The following PDE1A variants were observed in gnomAD, a reference collection of about 807,000 sequenced individuals.
PDE1A encodes the protein phosphodiesterase 1A.
Under a neutral mutation model 61.7 loss-of-function variants are expected in PDE1A, and 35 were observed. That is an observed-to-expected ratio of 0.57 (90% CI 0.43 to 0.75). PDE1A has a LOEUF of 0.75. Ranked by LOEUF, PDE1A falls within the 30% of genes least tolerant of loss-of-function variation. The pLI, the probability that PDE1A is intolerant of heterozygous loss-of-function variation, is 0.00. For synonymous variants in PDE1A, 232 were observed against 213.2 expected (o/e 1.09, Z -0.77); for missense variants, 597 against 630.6 (o/e 0.95, Z 0.57).
chr2:182,716,692 CTT>C, the PDE1A span, among the ~76,000 whole-genome samples: 3 of 152,230 alleles, frequency 2.0e-5, no homozygotes, highest in Non-Finnish European at 2.9e-5. Flanking sequence ...GTTACTTACA[CTT>C]TCTCCCTAAG....
the PDE1A span, among the ~76,000 whole-genome samples, chr2:182,689,946 C>A: frequency 6.6e-6 from 1 of 152,130 alleles, no homozygotes; most frequent in Admixed American, 6.5e-5. Flanking sequence ...TGGATAAATT[C>A]CTTGACACAT....
the PDE1A span, among the ~76,000 whole-genome samples, chr2:182,617,427 C>T: frequency 2.6e-5 from 4 of 152,286 alleles, no homozygotes; most frequent in East Asian, 7.7e-4. Context: ...GCTCTATGGA[C>T]CTCTTCCTTT....
chr2:182,465,653 A>T (rs1007899783), intron 2 of PDE1A, among the ~76,000 whole-genome samples: 3 of 152,134 alleles, frequency 2.0e-5, no homozygotes, highest in African/African-American at 7.2e-5. Context: ...TGCAGTTTAA[A>T]GCAATAATTT....
intron 1 of PDE1A, among the ~76,000 whole-genome samples, chr2:182,351,793 T>C (rs1288007628): frequency 6.6e-6 from 1 of 152,186 alleles, no homozygotes; most frequent in Non-Finnish European, 1.5e-5. Flanking sequence ...AAAAGGTTAT[T>C]TTTTAAGGCA....
At chr2:182,276,545 C>G (rs990507962) in intron 1 of PDE1A, among the ~76,000 whole-genome samples, 1 of 151,958 alleles carries the variant, frequency 6.6e-6, no homozygotes, top group Non-Finnish European at 1.5e-5. Context: ...ATATTTGTCA[C>G]CTCAGGACCA....
intron 1 of PDE1A, among the ~76,000 whole-genome samples, chr2:182,267,924 A>G (rs1220058908): frequency 3.3e-5 from 5 of 152,040 alleles, no homozygotes; most frequent in African/African-American, 1.2e-4. Context: ...ATCACATCCT[A>G]TTTACCTAAT....
chr2:182,208,422 T>A (rs1006171255), intron 7 of PDE1A, among the ~76,000 whole-genome samples: 1 of 152,144 alleles, frequency 6.6e-6, no homozygotes, highest in East Asian at 1.9e-4. Flanking sequence ...CTCACTATTA[T>A]GAGAACAGCA....
Position 182,421,339 on chromosome 2 carries a change from T to C in PDE1A, c.53+5239A>G, listed in dbSNP as rs965081307. On this transcript the variant is annotated intron_variant, in intron 1 of 13. Coordinates refer to ENST00000351439, the Ensembl canonical transcript of PDE1A. ...AAACGACATTTGTGTAGCTCCTGAG[T>C]GGAAGACACCTCCCCACATTTTAAT... Among the ~76,000 whole-genome samples, 5 of 152,256 alleles carry C rather than the reference T, an allele frequency of 3.3e-5. No homozygotes were observed. In the East Asian group the frequency reaches 9.7e-4, roughly 29 times the overall value.
At chr2:182,202,420 A>C (rs1686735637) in intron 8 of PDE1A, among the ~76,000 whole-genome samples, 1 of 152,226 alleles carries the variant, frequency 6.6e-6, no homozygotes, top group South Asian at 2.1e-4. Flanking sequence ...TATAATACCG[A>C]TAATAAAATA....
the PDE1A span, among the ~76,000 whole-genome samples, chr2:182,702,733 C>T: frequency 3.3e-5 from 5 of 151,904 alleles, no homozygotes; most frequent in Admixed American, 1.3e-4. Context: ...ATAAATTTAC[C>T]ACATATCATC....
At chr2:182,556,627 G>C in the PDE1A span, among the ~76,000 whole-genome samples, 2 of 152,194 alleles carry the variant, frequency 1.3e-5, no homozygotes, top group South Asian at 4.1e-4. Flanking sequence ...TAAACTTTTT[G>C]AAATTATGGA....
intron 1 of PDE1A, among the ~76,000 whole-genome samples, chr2:182,368,373 TAA>T (rs1198526348): frequency 1.3e-5 from 2 of 148,790 alleles, no homozygotes; most frequent in African/African-American, 2.5e-5. Context: ...ATTTGATTGA[TAA>T]GTTTATGAAG....
At chr2:182,431,096 T>TA (rs950933052), upstream of PDE1A, among the ~76,000 whole-genome samples, 1 of 123,120 alleles carries the variant, frequency 8.1e-6, no homozygotes, top group South Asian at 2.8e-4. Flanking sequence ...CCCTAAAACT[T>TA]AGAGTATAAT....
intron 13 of PDE1A, among the ~76,000 whole-genome samples, chr2:182,150,332 G>A (rs1690710248): frequency 6.6e-6 from 1 of 152,062 alleles, no homozygotes; most frequent in African/African-American, 2.4e-5. Context: ...AGAATAATCG[G>A]TTGACTTTCT....
the PDE1A span, among the ~76,000 whole-genome samples, chr2:182,566,998 G>A: frequency 1.3e-5 from 2 of 152,108 alleles, no homozygotes; most frequent in Non-Finnish European, 2.9e-5. Flanking sequence ...AATTTAGAAT[G>A]AACAATTTGA....
At chr2:182,272,889 T>G (rs771509011) in intron 1 of PDE1A, among the ~76,000 whole-genome samples, 1 of 152,124 alleles carries the variant, frequency 6.6e-6, no homozygotes, top group Non-Finnish European at 1.5e-5. Context: ...TGATTGACAG[T>G]TGAATAATAT....
At chr2:182,575,099 C>T in the PDE1A span, among the ~76,000 whole-genome samples, 4 of 152,164 alleles carry the variant, frequency 2.6e-5, no homozygotes, top group Admixed American at 2.6e-4. Flanking sequence ...ATTCCCTTTG[C>T]TTTAAGCAAG....
chr2:182,199,496 A>G (rs1686425400), intron 10 of PDE1A, among the ~76,000 whole-genome samples: 1 of 152,014 alleles, frequency 6.6e-6, no homozygotes, highest in South Asian at 2.1e-4. Context: ...ACAATTTTCA[A>G]ATATTATGTT....
At chr2:182,707,901 A>G in the PDE1A span, among the ~76,000 whole-genome samples, 3 of 152,194 alleles carry the variant, frequency 2.0e-5, no homozygotes, top group Non-Finnish European at 4.4e-5. Context: ...TAAGATACGC[A>G]AAGTTACAGC....
Sources: gnomAD v4.1 joint callset for allele counts (sites outside exome capture counted in the v4.1 genomes callset) on GRCh38, gnomAD v4.1.1 for gene constraint, MANE v1.5 for transcripts, NCBI Gene and HGNC (gene_info 2026-07-23, HGNC 2026-07-21) for gene names.